The following MEIS2 variants were observed in gnomAD, a reference collection of about 807,000 sequenced individuals.
MEIS2 encodes the protein homeobox protein Meis2.
A neutral mutation model predicts 58.6 loss-of-function variants in MEIS2; 9 were observed. That is an observed-to-expected ratio of 0.15 (90% CI 0.09 to 0.27). MEIS2 has a LOEUF of 0.27. Among genes scored for constraint, MEIS2 ranks in the 10% least tolerant of loss-of-function variants. The pLI is 1.00. For synonymous variants in MEIS2, 221 were observed against 228.4 expected, an observed-to-expected ratio of 0.97 and a Z score of 0.29; for missense variants, 427 against 635.0, an observed-to-expected ratio of 0.67 and a Z score of 3.52.
chr15:36,983,834 C>G (rs558821617), intron 8 of MEIS2, among the ~76,000 whole-genome samples: 1 of 152,132 alleles, frequency 6.6e-6, no homozygotes, highest in African/African-American at 2.4e-5. Flanking sequence ...CCATGTTCTA[C>G]AGTTTTTTAG....
intron 9 of MEIS2, among the ~76,000 whole-genome samples, chr15:36,942,785 G>A (rs140792011): frequency 1.3e-5 from 2 of 151,922 alleles, no homozygotes; most frequent in African/African-American, 4.8e-5. Flanking sequence ...ACTGGTAAAG[G>A]CACCACCATA....
intron 11 of MEIS2, 28 bp from the exon 12 acceptor site, chr15:36,892,487 G>A (rs79104084): frequency 2.1e-5 from 34 of 1,596,454 alleles, no homozygotes; most frequent in African/African-American, 2.0e-4. Flanking sequence ...AAAAGAAAGC[G>A]GGTCAAATTC....
At chr15:37,013,598 A>G (rs1009963051) in intron 8 of MEIS2, among the ~76,000 whole-genome samples, 3 of 148,110 alleles carry the variant, frequency 2.0e-5, no homozygotes, top group Admixed American at 6.8e-5. Context: ...ATATATATAT[A>G]ATATTGCTAA....
chr15:37,050,217 T>A (rs569177093), intron 7 of MEIS2, among the ~76,000 whole-genome samples: 35 of 152,160 alleles, frequency 2.3e-4, no homozygotes, highest in Non-Finnish European at 4.6e-4. Flanking sequence ...ACATCCCACA[T>A]CCCATGCCTA....
intron 8 of MEIS2, among the ~76,000 whole-genome samples, chr15:37,007,282 T>G (rs909822406): frequency 6.6e-6 from 1 of 152,100 alleles, no homozygotes; most frequent in Non-Finnish European, 1.5e-5. Context: ...TAATCTCAGC[T>G]ATCCAGGAGG....
chr15:36,950,747 C>CT (rs1159902521), intron 8 of MEIS2, among the ~76,000 whole-genome samples: 1 of 152,098 alleles, frequency 6.6e-6, no homozygotes, highest in African/African-American at 2.4e-5. Context: ...TTTCAGGCCC[C>CT]TTTTACTCTC....
chr15:36,927,276 G>A (rs1326102073), intron 9 of MEIS2, among the ~76,000 whole-genome samples: 1 of 152,064 alleles, frequency 6.6e-6, no homozygotes, highest in Non-Finnish European at 1.5e-5. Context: ...TGATGTAAGG[G>A]AGCATATAAA....
intron 9 of MEIS2, among the ~76,000 whole-genome samples, chr15:36,943,961 G>T (rs1053355878): frequency 6.6e-6 from 1 of 151,934 alleles, no homozygotes; most frequent in Non-Finnish European, 1.5e-5. Flanking sequence ...TCTGGAAATG[G>T]TACTCCCATC....
intron 9 of MEIS2, among the ~76,000 whole-genome samples, chr15:36,917,843 CAG>C (rs1488033350): frequency 6.6e-6 from 1 of 152,204 alleles, no homozygotes; most frequent in Non-Finnish European, 1.5e-5. Context: ...TCTTTACACA[CAG>C]AGAGAATTTC....
intron 7 of MEIS2, among the ~76,000 whole-genome samples, chr15:37,072,474 G>A (rs774867770): frequency 1.3e-5 from 2 of 152,056 alleles, no homozygotes; most frequent in South Asian, 2.1e-4. Flanking sequence ...CTTCATGTAC[G>A]CACCCACTTG....
chr15:36,929,523 T>C (rs2057885885), intron 9 of MEIS2, among the ~76,000 whole-genome samples: 1 of 152,214 alleles, frequency 6.6e-6, no homozygotes, highest in African/African-American at 2.4e-5. Context: ...CATATAACTA[T>C]AACATTAAAC....
intron 2 of MEIS2, chr15:37,097,241 C>T (rs1446124324): frequency 6.6e-6 from 1 of 152,330 alleles, no homozygotes; most frequent in Admixed American, 6.5e-5. Flanking sequence ...TGTCCCCTCC[C>T]CTCGGCATCC....
chr15:36,921,026 G>A (rs1056741259), intron 9 of MEIS2, among the ~76,000 whole-genome samples: 5 of 152,160 alleles, frequency 3.3e-5, no homozygotes, highest in Admixed American at 3.3e-4. Flanking sequence ...AACCTCTGTT[G>A]TTCATTTTTA....
chr15:37,031,419 A>G (rs975688057), intron 8 of MEIS2, among the ~76,000 whole-genome samples: 1 of 30,512 alleles, frequency 3.3e-5, no homozygotes, highest in Non-Finnish European at 7.5e-5. Context: ...CCTCCCTTGC[A>G]TATGTGTGTG....
chr15:36,966,800 G>C (rs1378907314), intron 8 of MEIS2, among the ~76,000 whole-genome samples: 1 of 152,084 alleles, frequency 6.6e-6, no homozygotes, highest in African/African-American at 2.4e-5. Flanking sequence ...AAAATAACTG[G>C]GGATGCTGCT....
At chr15:37,073,193 T>C (rs1038625082) in intron 7 of MEIS2, among the ~76,000 whole-genome samples, 2 of 152,050 alleles carry the variant, frequency 1.3e-5, no homozygotes, top group East Asian at 1.9e-4. Flanking sequence ...AACTGCCCTA[T>C]GAGACAGTTA....
At chr15:36,894,847 A>G (rs1217970150) in intron 11 of MEIS2, 5 of 1,490,600 alleles carry the variant, frequency 3.4e-6, no homozygotes, top group Non-Finnish European at 4.7e-6. Flanking sequence ...AGAGGCCGGA[A>G]AATCAGCAAT....
intron 7 of MEIS2, among the ~76,000 whole-genome samples, chr15:37,038,568 A>T (rs1364339038): frequency 6.6e-6 from 1 of 152,146 alleles, no homozygotes; most frequent in African/African-American, 2.4e-5. Flanking sequence ...CTTCATTACA[A>T]CCACCCTGCC....
chr15:36,987,663 A>G (rs2060136829), intron 8 of MEIS2, among the ~76,000 whole-genome samples: 2 of 152,110 alleles, frequency 1.3e-5, no homozygotes, highest in Admixed American at 6.5e-5. Context: ...ACTTAATAAC[A>G]TCATAACACT....
Sources: gnomAD v4.1 joint callset for allele counts (sites outside exome capture counted in the v4.1 genomes callset) on GRCh38, gnomAD v4.1.1 for gene constraint, MANE v1.5 for transcripts, NCBI Gene and HGNC (gene_info 2026-07-23, HGNC 2026-07-21) for gene names.